Variants in STPG2 observed in about 807,000 individuals in gnomAD.
The protein encoded by STPG2 is sperm tail PG-rich repeat containing 2.
In STPG2, 56 loss-of-function variants were observed where a neutral mutation model predicts 54.2. The observed-to-expected ratio is 1.03, with a 90% CI of 0.83 to 1.29. STPG2 has a LOEUF of 1.29. Ranked by LOEUF, STPG2 falls within the 50% of genes most tolerant of loss-of-function variation. The pLI is 0.00. For synonymous variants in STPG2, 200 were observed against 181.8 expected (o/e 1.10, Z -0.81); for missense variants, 596 against 544.9 (o/e 1.09, Z -0.93).
At chr4:98,128,278 T>C in intron 3 of STPG2, 150 bp downstream of exon 3, 1 of 640,400 alleles carries the variant, frequency 1.6e-6, no homozygotes, top group Non-Finnish European at 2.5e-6. Flanking sequence ...CCACTAAAAT[T>C]TGGGGGTCTA....
intron 5 of STPG2, among the ~76,000 whole-genome samples, chr4:98,030,380 T>C (rs1736557598): frequency 6.6e-6 from 1 of 152,120 alleles, no homozygotes; most frequent in African/African-American, 2.4e-5. Context: ...TCTATGCAAT[T>C]CCCCAGAAAT....
At chr4:97,932,454 A>G (rs1028522004) in intron 8 of STPG2, among the ~76,000 whole-genome samples, 1 of 152,046 alleles carries the variant, frequency 6.6e-6, no homozygotes, top group African/African-American at 2.4e-5. Flanking sequence ...TGCTGCACCT[A>G]TCTACTCATC....
intron 10 of STPG2, among the ~76,000 whole-genome samples, chr4:97,571,019 C>A (rs545795721): frequency 6.6e-6 from 1 of 152,042 alleles, no homozygotes; most frequent in Middle Eastern, 3.4e-3. Context: ...ACTTTTGTTG[C>A]CATCTTTCTG....
intron 10 of STPG2, among the ~76,000 whole-genome samples, chr4:97,603,763 A>G (rs1160900856): frequency 6.6e-6 from 1 of 151,760 alleles, no homozygotes; most frequent in African/African-American, 2.4e-5. Context: ...GATTTCACTT[A>G]TGTGAAGTAC....
chr4:97,739,427 T>C (rs1029141639), intron 9 of STPG2, among the ~76,000 whole-genome samples: 6 of 152,132 alleles, frequency 3.9e-5, no homozygotes, highest in African/African-American at 1.4e-4. Flanking sequence ...ATCCAGGAGC[T>C]GGTTTTTTGA....
intron 8 of STPG2, among the ~76,000 whole-genome samples, chr4:97,922,481 G>A (rs748077157): frequency 6.6e-6 from 1 of 152,122 alleles, no homozygotes; most frequent in Non-Finnish European, 1.5e-5. Flanking sequence ...AACTGAGAAT[G>A]CCTTTGTTGT....
chr4:97,710,822 T>C (rs1202180579), intron 10 of STPG2, among the ~76,000 whole-genome samples: 1 of 151,984 alleles, frequency 6.6e-6, no homozygotes, highest in Non-Finnish European at 1.5e-5. Flanking sequence ...AGGAAATAAA[T>C]TGGTGTTGAG....
At chr4:98,114,613 A>C (rs976529022) in intron 3 of STPG2, among the ~76,000 whole-genome samples, 3 of 152,050 alleles carry the variant, frequency 2.0e-5, no homozygotes, top group African/African-American at 4.8e-5. Context: ...CTATTGAAGA[A>C]GCTTTCTTTA....
intron 9 of STPG2, among the ~76,000 whole-genome samples, chr4:97,736,264 G>T (rs1388940583): frequency 6.6e-6 from 1 of 152,214 alleles, no homozygotes; most frequent in East Asian, 1.9e-4. Context: ...CCAGTCTACA[G>T]CTACCAGTGT....
intron 9 of STPG2, among the ~76,000 whole-genome samples, chr4:97,714,816 A>G (rs1724240203): frequency 6.6e-6 from 1 of 152,156 alleles, no homozygotes; most frequent in South Asian, 2.1e-4. Context: ...TGTAGTTTTA[A>G]CCGTAAAGAT....
intron 9 of STPG2, among the ~76,000 whole-genome samples, chr4:97,742,224 G>C (rs1286526487): frequency 6.6e-6 from 1 of 151,882 alleles, no homozygotes; most frequent in African/African-American, 2.4e-5. Flanking sequence ...TGGGGTTGGG[G>C]GAGGAAGGAG....
chr4:97,672,514 G>A (rs1722732854), intron 10 of STPG2, among the ~76,000 whole-genome samples: 1 of 151,978 alleles, frequency 6.6e-6, no homozygotes, highest in Non-Finnish European at 1.5e-5. Flanking sequence ...CTTTACATCA[G>A]TATTAAGAAC....
At chr4:97,861,990 G>A (rs576290473) in intron 8 of STPG2, among the ~76,000 whole-genome samples, 31 of 151,942 alleles carry the variant, frequency 2.0e-4, no homozygotes, top group Admixed American at 8.5e-4. Context: ...AAAGACCATC[G>A]AGGCTAGGAA....
At chr4:97,664,058 T>C (rs772352897) in intron 10 of STPG2, among the ~76,000 whole-genome samples, 1 of 152,170 alleles carries the variant, frequency 6.6e-6, no homozygotes, top group African/African-American at 2.4e-5. Context: ...GATATTCATA[T>C]GGTAAAATAG....
At chr4:97,926,394 GCT>G (rs1404720864) in intron 8 of STPG2, among the ~76,000 whole-genome samples, 1 of 151,980 alleles carries the variant, frequency 6.6e-6, no homozygotes, top group Non-Finnish European at 1.5e-5. Flanking sequence ...TCCAAGAAGG[GCT>G]CTCTCTTTCA....
intron 8 of STPG2, among the ~76,000 whole-genome samples, chr4:97,898,349 T>A (rs1731041509): frequency 6.7e-6 from 1 of 150,338 alleles, no homozygotes; most frequent in African/African-American, 2.4e-5. Flanking sequence ...TAAAAAATCT[T>A]AATTACCAAT....
intron 4 of STPG2, among the ~76,000 whole-genome samples, chr4:97,477,034 A>C (rs139075406): frequency 2.0e-3 from 312 of 152,352 alleles, no homozygotes; most frequent in African/African-American, 7.4e-3. Context: ...AGCATGGAGT[A>C]GACCAACCTA....
chr4:97,970,467 G>A (rs1190751631), intron 7 of STPG2, among the ~76,000 whole-genome samples: 1 of 152,120 alleles, frequency 6.6e-6, no homozygotes, highest in Non-Finnish European at 1.5e-5. Context: ...CAGAAATACA[G>A]ACCAATGGAA....
chr4:97,503,030 G>A (rs1730760654), intron 4 of STPG2, among the ~76,000 whole-genome samples: 1 of 151,878 alleles, frequency 6.6e-6, no homozygotes, highest in East Asian at 1.9e-4. Flanking sequence ...CATTTATAAA[G>A]AGATACTTCC....
Sources: allele counts gnomAD v4.1 joint callset (sites outside exome capture counted in the v4.1 genomes callset), GRCh38; gene constraint gnomAD v4.1.1; transcripts MANE v1.5; gene names NCBI Gene and HGNC (gene_info 2026-07-23, HGNC 2026-07-21).